The following AUH variants were observed in gnomAD, a reference collection of about 807,000 sequenced individuals.
AUH encodes the protein methylglutaconyl-CoA hydratase, mitochondrial.
Under a neutral mutation model 42.3 loss-of-function variants are expected in AUH, and 29 were observed. The observed-to-expected ratio is 0.69, with a 90% CI of 0.51 to 0.93. AUH has a LOEUF of 0.93. AUH is among the 40% of genes least tolerant of loss of function. The probability of loss-of-function intolerance (pLI) is 0.00; values close to 1 mark genes in which losing one functional copy is unlikely to be tolerated. For synonymous variants in AUH, 174 were observed against 166.4 expected, an observed-to-expected ratio of 1.05 and a Z score of -0.35; for missense variants, 452 against 438.1, an observed-to-expected ratio of 1.03 and a Z score of -0.28.
intron 1 of AUH, chr9:91,360,416 C>T (rs1056477768): frequency 6.6e-6 from 1 of 152,228 alleles, no homozygotes. Flanking sequence ...CATCTCCATG[C>T]CTTTGACCAT....
intron 6 of AUH, among the ~76,000 whole-genome samples, chr9:91,248,985 C>G (rs895284369): frequency 6.6e-6 from 1 of 152,104 alleles, no homozygotes; most frequent in Non-Finnish European, 1.5e-5. Flanking sequence ...TTATGAAAAA[C>G]AGAAATGAGT....
In AUH at chr9:91,296,965, A is replaced by G. The variant is rs181038397; in HGVS notation, c.599-888T>C. On this transcript the variant is annotated intron_variant, in intron 5 of 9. Coordinates refer to ENST00000375731, the MANE Select transcript of AUH (RefSeq NM_001698.3). ...CTTGGCAGCTCTGCTTTTAACATGC[A>G]GCCACATCAGAAACGATAATGGAAA... 5.9e-4 allele frequency among the ~76,000 whole-genome samples: 90 copies of G among 152,356 alleles called. 1 individual carries two copies. Among genetic ancestry groups the G allele is most frequent in the African/African-American group, 2.1e-3 (86 of 41,578 alleles).
At chr9:91,328,042 A>C (rs1830077775) in intron 3 of AUH, among the ~76,000 whole-genome samples, 1 of 152,306 alleles carries the variant, frequency 6.6e-6, no homozygotes, top group South Asian at 2.1e-4. Context: ...AGGGGGCCCA[A>C]GCAAGGCCCA....
Position 91,234,600 on chromosome 9 carries a change from G to C in AUH, c.656-13608C>G, listed in dbSNP as rs138450179. Among the ~76,000 whole-genome samples the C allele has an allele frequency of 1.4e-3, 215 of 152,002 alleles. 1 individual carries two copies. Among genetic ancestry groups the C allele is most frequent in the Non-Finnish European group, 2.7e-3 (186 of 67,956 alleles). On this transcript the variant is annotated intron_variant, in intron 6 of 9. Transcript: ENST00000375731. ...AAAAGTCAGATGAAACTGAATGGGA[G>C]TTTATCCGTTTTACTTTTTCCAAAT...
At chr9:91,287,952 G>A (rs566679600) in intron 6 of AUH, among the ~76,000 whole-genome samples, 133 of 152,050 alleles carry the variant, frequency 8.7e-4, no homozygotes, top group African/African-American at 3.1e-3. Context: ...GGGAATGGAA[G>A]GAGAAAGAAA....
At chr9:91,256,409 C>T (rs750484646) in intron 6 of AUH, among the ~76,000 whole-genome samples, 40 of 152,242 alleles carry the variant, frequency 2.6e-4, no homozygotes, top group Admixed American at 3.9e-4. Context: ...CCTGAGCCTG[C>T]CCTCCTTTGG....
chr9:91,317,211 T>C (rs1829224992), intron 4 of AUH, among the ~76,000 whole-genome samples: 1 of 152,188 alleles, frequency 6.6e-6, no homozygotes, highest in Non-Finnish European at 1.5e-5. Context: ...TTTGGCTATT[T>C]GGGGGTCTCT....
At chr9:91,319,762 G>T (rs1201042496) in intron 4 of AUH, among the ~76,000 whole-genome samples, 1 of 152,220 alleles carries the variant, frequency 6.6e-6, no homozygotes, top group Non-Finnish European at 1.5e-5. Flanking sequence ...CATGCAGACA[G>T]CCCACCCCAA....
intron 4 of AUH, among the ~76,000 whole-genome samples, chr9:91,305,954 A>C (rs1271487859): frequency 6.6e-6 from 1 of 152,142 alleles, no homozygotes. Context: ...AGAAAAGGGA[A>C]ATGCTGAAAC....
chr9:91,305,795 C>T (rs966937633), intron 4 of AUH, among the ~76,000 whole-genome samples: 11 of 152,184 alleles, frequency 7.2e-5, no homozygotes, highest in African/African-American at 2.4e-4. Flanking sequence ...GTTGCTGTTA[C>T]TTGCCTGGTA....
At chr9:91,359,009 A>G (rs1290042974) in intron 1 of AUH, among the ~76,000 whole-genome samples, 2 of 152,174 alleles carry the variant, frequency 1.3e-5, no homozygotes, top group African/African-American at 4.8e-5. Context: ...TCCTCCTCAC[A>G]TAACCTAGAA....
intron 4 of AUH, among the ~76,000 whole-genome samples, chr9:91,322,335 G>A (rs1829645758): frequency 6.6e-6 from 1 of 152,044 alleles, no homozygotes; most frequent in South Asian, 2.1e-4. Context: ...AAACTTACAG[G>A]TAGCATCAAC....
At position 91,361,668 on chromosome 9, in the gene AUH, C is replaced by T. The variant is rs1587943178; in HGVS notation, c.222G>A (p.Glu74=). The part of the protein sequence containing the change: ...KRGYSSEMKT[E]DELRVRHLEE... The stretch of plus-strand genomic sequence containing the variant: ...CCAGGTGCCGCACCCGCAGCTCGTC[C>T]TCCGTCTTCATCTCAGAGCTGTAGC... The change falls in exon 1 of 10, where the codon GAG becomes GAA. Residue 74 remains glutamate (E), a synonymous_variant. Coordinates refer to ENST00000375731, the MANE Select transcript of AUH (RefSeq NM_001698.3). 4 of 1,581,074 alleles carry T rather than the reference C, an allele frequency of 2.5e-6. No homozygotes were observed. The highest frequency in any genetic ancestry group is 3.6e-5 in the Admixed American group (2 of 55,560).
chr9:91,306,868 T>G (rs1828264088), intron 4 of AUH, among the ~76,000 whole-genome samples: 1 of 152,210 alleles, frequency 6.6e-6, no homozygotes, highest in Non-Finnish European at 1.5e-5. Flanking sequence ...TGTAGCAGCT[T>G]TATGTGTAAC....
intron 3 of AUH, among the ~76,000 whole-genome samples, chr9:91,346,980 T>G (rs1037296175): frequency 2.0e-5 from 3 of 151,714 alleles, no homozygotes; most frequent in South Asian, 2.1e-4. Context: ...TCTTTAGGAG[T>G]GCCAACCTCC....
At chr9:91,312,717 C>A (rs1401931119) in intron 4 of AUH, among the ~76,000 whole-genome samples, 1 of 152,088 alleles carries the variant, frequency 6.6e-6, no homozygotes, top group African/African-American at 2.4e-5. Flanking sequence ...CAGAGTGGGA[C>A]CCTATCTTTT....
intron 4 of AUH, among the ~76,000 whole-genome samples, chr9:91,315,086 G>A (rs914288883): frequency 6.6e-6 from 1 of 152,188 alleles, no homozygotes; most frequent in Non-Finnish European, 1.5e-5. Flanking sequence ...ACAGGCGTGC[G>A]CCACCACGTC....
Position 91,343,174 on chromosome 9 carries a change from G to C in AUH, c.418+12709C>G, listed in dbSNP as rs566368941. ...GAGGATTTTCAACTGTGAGGGGTGG[G>C]GGCAGGGGTGCAGGTGGAGGTGTCA... On this transcript the variant is annotated intron_variant, in intron 3 of 9. Transcript: ENST00000375731. 1.8e-4 allele frequency: 28 copies of C among 152,204 alleles called. 1 individual carries two copies. The highest frequency in any genetic ancestry group is 6.5e-4 in the African/African-American group (27 of 41,528). 9.4% of individuals were successfully genotyped at this position (152,204 alleles called of 1,614,324 possible). A position where few individuals can be genotyped will look rare whatever the true frequency, so the allele number is the denominator to read the frequency against.
chr9:91,328,086 C>G (rs1830083000), intron 3 of AUH, among the ~76,000 whole-genome samples: 1 of 152,156 alleles, frequency 6.6e-6, no homozygotes, highest in Non-Finnish European at 1.5e-5. Flanking sequence ...AGATTTCTGG[C>G]TGGCAAAGTG....
Sources: allele counts gnomAD v4.1 joint callset (sites outside exome capture counted in the v4.1 genomes callset), GRCh38; gene constraint gnomAD v4.1.1; transcripts MANE v1.5; gene names NCBI Gene and HGNC (gene_info 2026-07-23, HGNC 2026-07-21).